Variants in MDGA2 observed in about 807,000 individuals in gnomAD.
MDGA2 encodes MAM domain-containing glycosylphosphatidylinositol anchor protein 2.
Under a neutral mutation model 117.8 loss-of-function variants are expected in MDGA2, and 40 were observed. The observed-to-expected ratio is 0.34, with a 90% CI of 0.26 to 0.44. The LOEUF (loss-of-function observed/expected upper bound fraction) is 0.44. MDGA2 is among the 20% of genes least tolerant of loss of function. The pLI, the probability that MDGA2 is intolerant of heterozygous loss-of-function variation, is 1.00. For missense variants in MDGA2, 1,123 were observed against 1,250.6 expected, an observed-to-expected ratio of 0.90 and a Z score of 1.54; for synonymous variants, 452 against 439.0, an observed-to-expected ratio of 1.03 and a Z score of -0.37.
rs188238362 is a variant in MDGA2 at position 47,125,775 on chromosome 14, C to T, written c.925+5939G>A. On this transcript the variant is annotated intron_variant, in intron 5 of 16. Transcript: ENST00000399232. The stretch of plus-strand genomic sequence containing the variant: ...AGGTAGAGCAGACTAAATCAAGGGA[C>T]TTATATAATTAGGCCAAATGAGCCA... Among the ~76,000 whole-genome samples, 4 of 151,996 alleles carry T rather than the reference C, an allele frequency of 2.6e-5. No individual in the cohort carries two copies. The East Asian group carries it at 7.7e-4, about 29-fold the overall frequency.
intron 1 of MDGA2, among the ~76,000 whole-genome samples, chr14:47,592,640 A>C (rs1037806980): frequency 6.6e-6 from 1 of 152,214 alleles, no homozygotes; most frequent in Non-Finnish European, 1.5e-5. Flanking sequence ...TGGGGAAAGG[A>C]TTCCCTATTT....
At chr14:47,591,960 T>C (rs979656059) in intron 1 of MDGA2, among the ~76,000 whole-genome samples, 3 of 152,022 alleles carry the variant, frequency 2.0e-5, no homozygotes, top group African/African-American at 7.2e-5. Flanking sequence ...AAATAAAGTG[T>C]ATTCAAATAG....
chr14:46,978,786 G>C (rs1478282033), intron 8 of MDGA2, among the ~76,000 whole-genome samples: 3 of 152,050 alleles, frequency 2.0e-5, no homozygotes, highest in Admixed American at 6.6e-5. Context: ...AGAGAGGCAA[G>C]ATAATATTTA....
At chr14:47,191,808 T>C (rs1885123006) in intron 3 of MDGA2, among the ~76,000 whole-genome samples, 1 of 152,174 alleles carries the variant, frequency 6.6e-6, no homozygotes, top group African/African-American at 2.4e-5. Context: ...ATATCTACTG[T>C]TTAGCTTTTC....
intron 8 of MDGA2, among the ~76,000 whole-genome samples, chr14:46,990,899 C>CACACACACACACAT (rs147192624): frequency 6.8e-6 from 1 of 146,702 alleles, no homozygotes; most frequent in Non-Finnish European, 1.5e-5. Flanking sequence ...CACACACACA[C>CACACACACACACAT]ACCCCGCGTA....
At chr14:47,169,624 A>C (rs1019158223) in intron 3 of MDGA2, among the ~76,000 whole-genome samples, 2 of 151,988 alleles carry the variant, frequency 1.3e-5, no homozygotes, top group Admixed American at 1.3e-4. Context: ...CTAAGGCATG[A>C]ATTTATGGAT....
chr14:47,558,025 T>A (rs1050006612), intron 1 of MDGA2, among the ~76,000 whole-genome samples: 4 of 152,200 alleles, frequency 2.6e-5, no homozygotes, highest in African/African-American at 9.6e-5. Flanking sequence ...CTAATAAATA[T>A]GAGTCATCAT....
At chr14:47,580,132 A>C (rs1246190000) in intron 1 of MDGA2, among the ~76,000 whole-genome samples, 2 of 152,062 alleles carry the variant, frequency 1.3e-5, no homozygotes, top group Non-Finnish European at 2.9e-5. Flanking sequence ...TTACATGTAA[A>C]TTAATGTCTT....
At chr14:47,429,240 A>C (rs1044605264) in intron 1 of MDGA2, among the ~76,000 whole-genome samples, 3 of 151,808 alleles carry the variant, frequency 2.0e-5, no homozygotes, top group African/African-American at 7.3e-5. Flanking sequence ...AAAGACAAAC[A>C]AACCCCTAAG....
At chr14:46,988,247 A>G (rs71418122) in intron 8 of MDGA2, among the ~76,000 whole-genome samples, 2 of 152,018 alleles carry the variant, frequency 1.3e-5, no homozygotes, top group Non-Finnish European at 2.9e-5. Context: ...GAAATAGAAA[A>G]CTAGAGTCAA....
intron 1 of MDGA2, among the ~76,000 whole-genome samples, chr14:47,523,277 T>C (rs144245882): frequency 1.3e-5 from 2 of 152,340 alleles, no homozygotes; most frequent in African/African-American, 4.8e-5. Flanking sequence ...TGGTAAAACC[T>C]ACGTTAATTA....
intron 4 of MDGA2, among the ~76,000 whole-genome samples, chr14:47,143,505 C>T (rs1882811068): frequency 6.6e-6 from 1 of 152,078 alleles, no homozygotes; most frequent in Admixed American, 6.6e-5. Flanking sequence ...TCATATTACG[C>T]TCACTTTATG....
At chr14:47,136,285 C>A (rs1181968872) in intron 4 of MDGA2, among the ~76,000 whole-genome samples, 1 of 151,224 alleles carries the variant, frequency 6.6e-6, no homozygotes, top group Non-Finnish European at 1.5e-5. Flanking sequence ...TGAAACTCTG[C>A]CTCCAGGTTC....
At chr14:47,582,785 A>C (rs1210478132) in intron 1 of MDGA2, among the ~76,000 whole-genome samples, 1 of 151,888 alleles carries the variant, frequency 6.6e-6, no homozygotes, top group Non-Finnish European at 1.5e-5. Flanking sequence ...TTATATTCTC[A>C]ATAAAATTGT....
At chr14:47,137,343 T>C (rs1266364265) in intron 4 of MDGA2, among the ~76,000 whole-genome samples, 5 of 152,142 alleles carry the variant, frequency 3.3e-5, no homozygotes, top group African/African-American at 9.7e-5. Context: ...CTAATCTTCA[T>C]GTTGAAATTT....
At chr14:47,407,391 G>A (rs985113975) in intron 1 of MDGA2, among the ~76,000 whole-genome samples, 3 of 152,068 alleles carry the variant, frequency 2.0e-5, no homozygotes, top group African/African-American at 7.2e-5. Flanking sequence ...TACTAATAAT[G>A]CAGTAATCAT....
chr14:47,519,468 T>C (rs1894823534), intron 1 of MDGA2, among the ~76,000 whole-genome samples: 1 of 152,176 alleles, frequency 6.6e-6, no homozygotes, highest in African/African-American at 2.4e-5. Context: ...ACAACTCATG[T>C]GGTCAATTAC....
intron 3 of MDGA2, chr14:47,200,495 C>T (rs1230499758): frequency 1.8e-6 from 1 of 552,946 alleles, no homozygotes; most frequent in Non-Finnish European, 3.0e-6. Context: ...GCAACCACTT[C>T]CCTTTTTCTA....
chr14:46,939,126 A>C (rs1364703926), intron 9 of MDGA2, among the ~76,000 whole-genome samples: 1 of 152,138 alleles, frequency 6.6e-6, no homozygotes, highest in Non-Finnish European at 1.5e-5. Flanking sequence ...GTAGTTGAGA[A>C]GGAGAGAATA....
Sources: gnomAD v4.1 joint callset for allele counts (sites outside exome capture counted in the v4.1 genomes callset) on GRCh38, gnomAD v4.1.1 for gene constraint, MANE v1.5 for transcripts, NCBI Gene and HGNC (gene_info 2026-07-23, HGNC 2026-07-21) for gene names.